Variants in NCOA3 observed in about 807,000 individuals in gnomAD.
The protein encoded by NCOA3 is nuclear receptor coactivator 3.
NCOA3 carries 51 observed loss-of-function variants against 158.8 expected under a neutral mutation model. That is an observed-to-expected ratio of 0.32 (90% CI 0.26 to 0.41). The LOEUF is 0.41. NCOA3 is among the 10% of genes least tolerant of loss of function. The pLI is 1.00. For missense variants in NCOA3, 1,510 were observed against 1,746.6 expected (o/e 0.86, Z 2.41); for synonymous variants, 537 against 592.4 (o/e 0.91, Z 1.36).
chr20:47,644,771 C>T (rs1274218909), intron 17 of NCOA3, among the ~76,000 whole-genome samples: 11 of 151,984 alleles, frequency 7.2e-5, no homozygotes, highest in Non-Finnish European at 1.6e-4. Context: ...GATCTCGGCT[C>T]ACTGCAACCT....
chr20:47,580,946 T>A (rs868780936), intron 1 of NCOA3, among the ~76,000 whole-genome samples: 1 of 151,878 alleles, frequency 6.6e-6, no homozygotes, highest in Non-Finnish European at 1.5e-5. Flanking sequence ...ACAAAAAATA[T>A]AAAAATTAGC....
chr20:47,640,912 G>A (rs1036835443), intron 16 of NCOA3, among the ~76,000 whole-genome samples: 2 of 151,732 alleles, frequency 1.3e-5, no homozygotes, highest in Admixed American at 6.6e-5. Context: ...ATTGTAGATT[G>A]TATTTAATTT....
chr20:47,511,792 T>A (rs1239213869), intron 1 of NCOA3, among the ~76,000 whole-genome samples: 1 of 151,630 alleles, frequency 6.6e-6, no homozygotes, highest in Admixed American at 6.6e-5. Context: ...GGCATCATGA[T>A]CTGCCCGTCT....
In NCOA3 at chr20:47,627,174, C is replaced by T. The variant is rs1460985289; in HGVS notation, c.530C>T (p.Thr177Ile). Residue 177 changes from threonine (T) to isoleucine (I), a missense_variant and splice_region_variant, in exon 6 of 23, where the codon ACA (threonine) becomes ATA (isoleucine). Transcript: ENST00000371998. ...TTTCTTAAGAATTTACCAAAATCTA[C>T]AGGTAGGCTTTTAATGTGTATTTTC... ...KDFLKNLPKS[T>I]VNGVSWTNET... 6.3e-6 allele frequency: 10 copies of T among 1,594,636 alleles called. No individual in the cohort carries two copies. Among genetic ancestry groups the T allele is most frequent in the East Asian group, 2.2e-5 (1 of 44,630 alleles).
chr20:47,527,052 ATATAT>A lies in NCOA3; in HGVS notation c.-99+25038_-99+25042del, dbSNP rs1479697298. On this transcript the variant is annotated intron_variant, in intron 1 of 22. Coordinates refer to ENST00000371998, the MANE Select transcript of NCOA3 (RefSeq NM_181659.3). ...CAGTTGATTTTTGTATTTTTGCCTA[ATATAT>A]TATAACTTTGCTAAATTAATTTTAG... Among the ~76,000 whole-genome samples, 24 of 152,308 alleles carry A rather than the reference ATATAT, an allele frequency of 1.6e-4. No homozygotes were observed. In the East Asian group the frequency reaches 4.2e-3, roughly 27 times the overall value.
At chr20:47,647,445 G>A in intron 18 of NCOA3, 79 bp downstream of exon 18, 4 of 1,327,366 alleles carry the variant, frequency 3.0e-6, no homozygotes, top group African/African-American at 2.9e-5. Flanking sequence ...CTTACCACTG[G>A]TGCAATCTAT....
chr20:47,555,724 C>T (rs2084994071), intron 1 of NCOA3, among the ~76,000 whole-genome samples: 1 of 149,454 alleles, frequency 6.7e-6, no homozygotes, highest in African/African-American at 2.5e-5. Context: ...CTGCAAGCTC[C>T]GCCTCCCAGG....
chr20:47,628,658 T>G (rs1784483622), intron 8 of NCOA3: 1 of 152,110 alleles, frequency 6.6e-6, no homozygotes, highest in Admixed American at 6.6e-5. Flanking sequence ...GTGAGTCGCC[T>G]GCCTCAGCCT....
chr20:47,614,543 T>C (rs1342174069), intron 2 of NCOA3, among the ~76,000 whole-genome samples: 1 of 152,234 alleles, frequency 6.6e-6, no homozygotes, highest in African/African-American at 2.4e-5. Context: ...TATTTAATCA[T>C]ACCTTGTATA....
intron 1 of NCOA3, among the ~76,000 whole-genome samples, chr20:47,534,016 A>C (rs1022231391): frequency 6.8e-6 from 1 of 146,440 alleles, no homozygotes; most frequent in African/African-American, 2.5e-5. Context: ...GGTTTAGACT[A>C]TGATTATGGC....
chr20:47,520,541 G>A (rs1478235813), intron 1 of NCOA3, among the ~76,000 whole-genome samples: 1 of 152,226 alleles, frequency 6.6e-6, no homozygotes, highest in Non-Finnish European at 1.5e-5. Context: ...ATTTGCGGAA[G>A]GCTCAACCCC....
intron 1 of NCOA3, among the ~76,000 whole-genome samples, chr20:47,505,031 C>T (rs1175573148): frequency 0.043 from 281 of 6,482 alleles, 20 homozygotes; most frequent in Admixed American, 0.06. Flanking sequence ...TTTTTTTTTG[C>T]GGGCAGGGGC....
intron 4 of NCOA3, 42 bp from the exon 5 acceptor site, chr20:47,625,339 C>A: frequency 7.4e-7 from 1 of 1,344,390 alleles, no homozygotes; most frequent in Non-Finnish European, 1.1e-6. Context: ...TAATCTATAA[C>A]TGATAGTGTG....
At position 47,654,312 on chromosome 20, in the gene NCOA3, T is replaced by TC. The variant is rs2086840860; in HGVS notation, c.*895_*896insC. On this transcript the variant is annotated 3_prime_UTR_variant, in exon 23 of 23. Coordinates refer to ENST00000371998, the MANE Select transcript of NCOA3 (RefSeq NM_181659.3). ...GCAATAATGCTTTTTAAAAATAAACTTCTGAAAACCCAAGGCCAGGTACTG... is the reference window on the plus strand; with the variant it reads ...GCAATAATGCTTTTTAAAAATAAACTCTCTGAAAACCCAAGGCCAGGTACTG... The TC allele has an allele frequency of 6.6e-6, 1 of 152,632 alleles. No individual in the cohort carries two copies. 9.5% of individuals were successfully genotyped at this position (152,632 alleles called of 1,614,324 possible).
intron 1 of NCOA3, among the ~76,000 whole-genome samples, chr20:47,503,629 T>TA (rs1165603665): frequency 4.6e-5 from 7 of 152,004 alleles, no homozygotes; most frequent in African/African-American, 7.3e-5. Flanking sequence ...TTTGCTCTCT[T>TA]AAAAAAAATG....
intron 1 of NCOA3, among the ~76,000 whole-genome samples, chr20:47,573,484 A>C (rs2085326108): frequency 6.6e-6 from 1 of 152,206 alleles, no homozygotes; most frequent in Non-Finnish European, 1.5e-5. Flanking sequence ...TTCTTGAGAT[A>C]ATAGGAGCAT....
At chr20:47,652,297 C>G (rs186942361) in intron 20 of NCOA3, 109 bp from the exon 21 acceptor site, 6 of 839,178 alleles carry the variant, frequency 7.1e-6, no homozygotes, top group Non-Finnish European at 1.1e-5. Context: ...CTTATCACTT[C>G]CCTCCACCCC....
rs1166684974 is a variant in NCOA3, at chr20:47,501,935, T to C, written c.-183T>C. Reference sequence around the variant, plus strand: ...CACAGCGACGGCAGCGGCTGCGGCTTAGTCGGTGGCGGCCGGCGGCGGCTG... The same window carrying C: ...CACAGCGACGGCAGCGGCTGCGGCTCAGTCGGTGGCGGCCGGCGGCGGCTG... On this transcript the variant is annotated 5_prime_UTR_variant, in exon 1 of 23. Transcript: ENST00000371998. 5.0e-6 allele frequency: 2 copies of C among 400,844 alleles called. No individual in the cohort carries two copies. Among genetic ancestry groups the C allele is most frequent in the Non-Finnish European group, 8.8e-6 (2 of 227,846 alleles). 24.8% of individuals were successfully genotyped at this position (400,844 alleles called of 1,614,324 possible). A position where few individuals can be genotyped will look rare whatever the true frequency, so the allele number is the denominator to read the frequency against.
intron 1 of NCOA3, among the ~76,000 whole-genome samples, chr20:47,532,110 T>TTGTGTGTG (rs11474538): frequency 0.2 from 29,398 of 147,320 alleles, 3,264 homozygotes; most frequent in Middle Eastern, 0.29. Flanking sequence ...AGGGGGGGAC[T>TTGTGTGTG]TGTGTGTGTG....
Sources: gnomAD v4.1 joint callset for allele counts (sites outside exome capture counted in the v4.1 genomes callset) on GRCh38, gnomAD v4.1.1 for gene constraint, MANE v1.5 for transcripts, NCBI Gene and HGNC (gene_info 2026-07-23, HGNC 2026-07-21) for gene names.